The following PKDREJ variants were observed in gnomAD, a reference collection of about 807,000 sequenced individuals.
PKDREJ encodes polycystin family receptor for egg jelly.
For missense variants in PKDREJ, 2,507 were observed against 2,807.2 expected (o/e 0.89, Z 2.42); for synonymous variants, 1,031 against 1,095.5 (o/e 0.94, Z 1.16).
chr22:46,261,133 T>C lies in PKDREJ; in HGVS notation c.2190A>G (p.Arg730=), dbSNP rs781182765. 4 of 1,613,858 alleles carry C rather than the reference T, an allele frequency of 2.5e-6. No individual in the cohort carries two copies. Among genetic ancestry groups the C allele is most frequent in the Non-Finnish European group, 3.4e-6 (4 of 1,179,698 alleles). ...CGATGAGGTGTTTTCGGAGATTGAC[T>C]CTGTCATCTCGGAGAGGTAATTCAG... ...MKTELPLRDD[R]VNLRKHLIDQ... The change falls in exon 1 of 1, where the codon AGA becomes AGG. Residue 730 remains arginine, a synonymous_variant. Transcript: ENST00000253255. The surrounding 1 kb of genome is among the most constrained non-coding windows in gnomAD (Gnocchi z 7.1).
chr22:46,263,185 C>T lies in PKDREJ; in HGVS notation c.138G>A (p.Pro46=). 7.7e-7 allele frequency: 1 copy of T among 1,303,194 alleles called. No homozygotes were observed. The highest frequency in any genetic ancestry group is 9.7e-7 in the Non-Finnish European group (1 of 1,030,710). The allele number at this position is 1,303,194 out of a possible 1,614,324, so 80.7% of individuals were successfully genotyped here. ...GAPGGLLRGA[P]GLGVRGGRAL... ...CGCGGCCGCCGCGCACCCCGAGGCC[C>T]GGGGCGCCCCTGAGGAGGCCACCGG... Residue 46 remains proline, a synonymous_variant, in exon 1 of 1, where the codon CCG becomes CCA. Transcript: ENST00000253255. The surrounding 1 kb of genome is among the most constrained non-coding windows in gnomAD (Gnocchi z 9.4).
rs1936709549 is a variant in PKDREJ at position 46,262,560 on chromosome 22, TG to T, written c.762del (p.Ile255SerfsTer67). The T allele has an allele frequency of 6.2e-7, 1 of 1,605,316 alleles. No homozygotes were observed. Among genetic ancestry groups the T allele is most frequent in the African/African-American group, 1.3e-5 (1 of 74,738 alleles). Reference sequence around the variant, plus strand: ...GAGAACACCTGCCAGTACTGGGCGATGGCGCGCGCGGCCGGGCAGTCCAGCT... The same window carrying T: ...GAGAACACCTGCCAGTACTGGGCGATGCGCGCGCGGCCGGGCAGTCCAGCT... The part of the protein sequence containing the change: ...SVQLDCPAAR[A>X]IAQYWQVFSV... On this transcript the variant is annotated frameshift_variant, in exon 1 of 1. Coordinates refer to ENST00000253255, the MANE Select transcript of PKDREJ (RefSeq NM_006071.2). LOFTEE classifies it low-confidence loss of function (END_TRUNC). This position sits in a 1 kb window ranked among gnomAD's most constrained non-coding sequence, Gnocchi z 8.1.
chr22:46,260,447 A>C lies in PKDREJ; in HGVS notation c.2876T>G (p.Leu959Trp). The C allele has an allele frequency of 6.2e-7, 1 of 1,614,208 alleles. No individual in the cohort carries two copies. Among genetic ancestry groups the C allele is most frequent in the Non-Finnish European group, 8.5e-7 (1 of 1,180,022 alleles). The stretch of plus-strand genomic sequence containing the variant: ...TGTGAGATTAAAAGCTGCAAAGGTC[A>C]AGTTTTTCCTGACAAGGTACACTTC... Reference protein sequence around the residue: ...VAEVYLVRKNLTFAAFNLTVG... With the variant: ...VAEVYLVRKNWTFAAFNLTVG... Residue 959 changes from leucine to tryptophan, a missense_variant, in exon 1 of 1, where the codon TTG (leucine) becomes TGG (tryptophan). Leu to Trp is a moderately conservative substitution (Grantham distance 61). Transcript: ENST00000253255. The surrounding 1 kb of genome is among the most constrained non-coding windows in gnomAD (Gnocchi z 4.5).
rs1387855377 is a variant in PKDREJ at position 46,263,122 on chromosome 22, G to A, written c.201C>T (p.Gly67=). ...TGCCGCGGCCGCTCAGGACAGCGCC[G>A]CCCGCCCGCACCGCGCTGGGCCGCA... ...LSLRPSAVRA[G]GAVLSGRGSL... Residue 67 remains glycine, a synonymous_variant, in exon 1 of 1, where the codon GGC becomes GGT. Coordinates refer to ENST00000253255, the MANE Select transcript of PKDREJ (RefSeq NM_006071.2). The surrounding 1 kb of genome is among the most constrained non-coding windows in gnomAD (Gnocchi z 9.4). The A allele has an allele frequency of 4.8e-6, 6 of 1,238,728 alleles. No individual in the cohort carries two copies. The East Asian group carries it at 1.9e-4, about 38-fold the overall frequency. The allele number at this position is 1,238,728 out of a possible 1,614,324, so 76.7% of individuals were successfully genotyped here.
chr22:46,261,872 T>G lies in PKDREJ; in HGVS notation c.1451A>C (p.Asn484Thr). Residue 484 changes from asparagine to threonine, a missense_variant, in exon 1 of 1, where the codon AAT becomes ACT. Asn to Thr is a moderately conservative substitution (Grantham distance 65). Coordinates refer to ENST00000253255, the MANE Select transcript of PKDREJ (RefSeq NM_006071.2). This position sits in a 1 kb window ranked among gnomAD's most constrained non-coding sequence, Gnocchi z 7.1. ...DRFSLFLNCT[N>T]CASRDFYKWS... ...TTTATAGAAATCACGGCTTGCACAA[T>G]TTGTGCAATTTAGGAACAAAGAAAA... 1 of 1,613,672 alleles carries G rather than the reference T, an allele frequency of 6.2e-7. No individual in the cohort carries two copies. The highest frequency in any genetic ancestry group is 8.5e-7 in the Non-Finnish European group (1 of 1,179,802).
At position 46,258,217 on chromosome 22, in the gene PKDREJ, C is replaced by A. The variant is rs750685102; in HGVS notation, c.5106G>T (p.Arg1702Ser). ...DEIRIFKRKK[R>S]IKRRALLFLS... ...GAAACAGGAGTGCTCTTCTCTTGAT[C>A]CTCTTCTTTCTTTTGAATATTCTGA... The change falls in exon 1 of 1, where the codon AGG (arginine) becomes AGT (serine). Residue 1702 changes from arginine to serine, a missense_variant. Physicochemically the swap from Arg to Ser is moderately radical, Grantham distance 110 (BLOSUM62 -1). Transcript: ENST00000253255. This position sits in a 1 kb window ranked among gnomAD's most constrained non-coding sequence, Gnocchi z 6.1. 3.7e-6 allele frequency: 6 copies of A among 1,614,022 alleles called. No homozygotes were observed. Among genetic ancestry groups the A allele is most frequent in the Non-Finnish European group, 5.1e-6 (6 of 1,179,998 alleles).
chr22:46,260,019 C>T lies in PKDREJ; in HGVS notation c.3304G>A (p.Val1102Ile), dbSNP rs537416568. The T allele has an allele frequency of 6.9e-5, 112 of 1,614,004 alleles. 1 individual carries two copies. Among genetic ancestry groups the T allele is most frequent in the African/African-American group, 2.0e-4 (15 of 74,900 alleles). The part of the protein sequence containing the change: ...DKLVRISIFS[V>I]QCLDMYGIQS... ...ATCCCATACATGTCCAAGCACTGGA[C>T]GCTGAAAATAGAAATTCTCACTAGC... is the stretch of plus-strand genomic sequence containing the variant. Residue 1102 changes from valine to isoleucine, a missense_variant, in exon 1 of 1, where the codon GTC becomes ATC. Val to Ile is a conservative substitution (Grantham distance 29, BLOSUM62 3). Transcript: ENST00000253255. This position sits in a 1 kb window ranked among gnomAD's most constrained non-coding sequence, Gnocchi z 4.5.
rs1936648820 is a variant in PKDREJ at position 46,257,761 on chromosome 22, A to G, written c.5562T>C (p.Asn1854=). Residue 1854 remains asparagine, a synonymous_variant, in exon 1 of 1, where the codon AAT becomes AAC. Transcript: ENST00000253255. This position sits in a 1 kb window ranked among gnomAD's most constrained non-coding sequence, Gnocchi z 4.7. ...VDKQAIDEST[N]GFTYKPQGTQ... ...TTCCTTGAGGCTTATAAGTAAATCC[A>G]TTGGTACTCTCATCTATAGCCTGCT... is the stretch of plus-strand genomic sequence containing the variant. 1 of 1,614,032 alleles carries G rather than the reference A, an allele frequency of 6.2e-7. No homozygotes were observed. The highest frequency in any genetic ancestry group is 1.3e-5 in the African/African-American group (1 of 74,950).
rs756560172 is a variant in PKDREJ, at chr22:46,262,779, C to T, written c.544G>A (p.Glu182Lys). The T allele has an allele frequency of 2.6e-6, 4 of 1,519,990 alleles. No individual in the cohort carries two copies. The highest frequency in any genetic ancestry group is 2.5e-5 in the South Asian group (2 of 78,456). 94.2% of individuals were successfully genotyped at this position (1,519,990 alleles called of 1,614,324 possible). Residue 182 changes from glutamate (E) to lysine (K), a missense_variant, in exon 1 of 1, where the codon GAG (glutamate) becomes AAG (lysine). Coordinates refer to ENST00000253255, the MANE Select transcript of PKDREJ (RefSeq NM_006071.2). The surrounding 1 kb of genome is among the most constrained non-coding windows in gnomAD (Gnocchi z 8.1). ...CGCGCGGGGCCGTCTGTGGGGCACT[C>T]GGTGCGGGCCACGAAGCCCTGCTGG... ...RPQQGFVARTECPTDGPARVM... is the reference protein window; with the variant it reads ...RPQQGFVARTKCPTDGPARVM...
Position 46,259,291 on chromosome 22 carries a change from G to A in PKDREJ, c.4032C>T (p.His1344=), listed in dbSNP as rs140212938. 2.2e-5 allele frequency: 35 copies of A among 1,614,060 alleles called. No homozygotes were observed. The highest frequency in any genetic ancestry group is 2.8e-5 in the Non-Finnish European group (33 of 1,180,032). Residue 1344 remains histidine (H), a synonymous_variant, in exon 1 of 1, where the codon CAC becomes CAT. Coordinates refer to ENST00000253255, the MANE Select transcript of PKDREJ (RefSeq NM_006071.2). This position sits in a 1 kb window ranked among gnomAD's most constrained non-coding sequence, Gnocchi z 6.8. ...TCAGACGCTCATCTGGATGGGTAAC[G>A]TGAAATGTTCTGTCCAAAGTGGTAT... ...SVDTTLDRTF[H]VTHPDERLTR...
Position 46,262,503 on chromosome 22 carries a change from T to C in PKDREJ, c.820A>G (p.Thr274Ala). The C allele has an allele frequency of 6.3e-7, 1 of 1,588,798 alleles. No homozygotes were observed. Among genetic ancestry groups the C allele is most frequent in the Non-Finnish European group, 8.6e-7 (1 of 1,166,822 alleles). ...AGCTGGGGCAGATCCAAGGGCTGCG[T>C]CCAGTCGGGCGCCTGACCCACGGCG... ...VPAVGQAPDW[T>A]QPLDLPQLEI... The change falls in exon 1 of 1, where the codon ACG becomes GCG. Residue 274 changes from threonine (T) to alanine (A), a missense_variant. Coordinates refer to ENST00000253255, the MANE Select transcript of PKDREJ (RefSeq NM_006071.2). This position sits in a 1 kb window ranked among gnomAD's most constrained non-coding sequence, Gnocchi z 8.1.
At position 46,263,098 on chromosome 22, in the gene PKDREJ, GC is replaced by G; in HGVS notation, c.224del (p.Gly75AlafsTer52). ...TCCCGCCATGGGGGAAGCAGAGGCT[GC>G]CGCGGCCGCTCAGGACAGCGCCGCC... The part of the protein sequence containing the change: ...RAGGAVLSGR[G>X]SLCFPHGGTG... On this transcript the variant is annotated frameshift_variant, in exon 1 of 1. Coordinates refer to ENST00000253255, the MANE Select transcript of PKDREJ (RefSeq NM_006071.2). LOFTEE classifies it low-confidence loss of function (END_TRUNC). This position sits in a 1 kb window ranked among gnomAD's most constrained non-coding sequence, Gnocchi z 9.4. 7.6e-7 allele frequency: 1 copy of G among 1,311,280 alleles called. No individual in the cohort carries two copies. Among genetic ancestry groups the G allele is most frequent in the Non-Finnish European group, 9.8e-7 (1 of 1,020,820 alleles). 81.2% of individuals were successfully genotyped at this position (1,311,280 alleles called of 1,614,324 possible). A position where few individuals can be genotyped will look rare whatever the true frequency, so the allele number is the denominator to read the frequency against.
In PKDREJ at chr22:46,261,555, T is replaced by G. The variant is rs766536222; in HGVS notation, c.1768A>C (p.Lys590Gln). 1.2e-5 allele frequency: 19 copies of G among 1,614,088 alleles called. No individual in the cohort carries two copies. The East Asian group carries it at 4.0e-4, about 34-fold the overall frequency. Residue 590 changes from lysine (K) to glutamine (Q), a missense_variant, in exon 1 of 1, where the codon AAG (lysine) becomes CAG (glutamine). Coordinates refer to ENST00000253255, the MANE Select transcript of PKDREJ (RefSeq NM_006071.2). The surrounding 1 kb of genome is among the most constrained non-coding windows in gnomAD (Gnocchi z 7.1). ...ATTTTATATGTAAGAGGGACGTGCT[T>G]ATCCCTAAAATTACTACACTGGACA... ...FVVQCSNFRD[K>Q]HVPLTYKIIV...
In PKDREJ at chr22:46,262,822, G is replaced by C; in HGVS notation, c.501C>G (p.Ala167=). 1 of 1,251,418 alleles carries C rather than the reference G, an allele frequency of 8.0e-7. No homozygotes were observed. The highest frequency in any genetic ancestry group is 1.0e-6 in the Non-Finnish European group (1 of 991,898). The allele number at this position is 1,251,418 out of a possible 1,614,324, so 77.5% of individuals were successfully genotyped here. The change falls in exon 1 of 1, where the codon GCC becomes GCG. Residue 167 remains alanine, a synonymous_variant. Coordinates refer to ENST00000253255, the MANE Select transcript of PKDREJ (RefSeq NM_006071.2). This position sits in a 1 kb window ranked among gnomAD's most constrained non-coding sequence, Gnocchi z 8.1. ...CCTGCTGGGGCCGCGGGCCTGGCGC[G>C]GCGGAGCGCGGGGAGACGCGGGCCG... ...SPAARVSPRS[A]APGPRPQQGF... is the part of the protein sequence containing the mutation.
chr22:46,256,286 A>C lies in PKDREJ; in HGVS notation c.*275T>G. The C allele has an allele frequency of 2.3e-6, 1 of 441,110 alleles. No homozygotes were observed. The allele number at this position is 441,110 out of a possible 1,614,324, so 27.3% of individuals were successfully genotyped here. A position where few individuals can be genotyped will look rare whatever the true frequency, so the allele number is the denominator to read the frequency against. ...ACCAAAGAAACAGGGTTGCCCTTGT[A>C]CGGGGAGTCACATAACTCCCCTCTA... On this transcript the variant is annotated 3_prime_UTR_variant, in exon 1 of 1. Coordinates refer to ENST00000253255, the MANE Select transcript of PKDREJ (RefSeq NM_006071.2). This position sits in a 1 kb window ranked among gnomAD's most constrained non-coding sequence, Gnocchi z 5.3.
At position 46,257,258 on chromosome 22, in the gene PKDREJ, A is replaced by G. The variant is rs762577562; in HGVS notation, c.6065T>C (p.Leu2022Pro). The change falls in exon 1 of 1, where the codon CTG (leucine) becomes CCG (proline). Residue 2022 changes from leucine (L) to proline (P), a missense_variant. By Grantham distance (98) the Leu-to-Pro change is moderately conservative. Coordinates refer to ENST00000253255, the MANE Select transcript of PKDREJ (RefSeq NM_006071.2). The surrounding 1 kb of genome is among the most constrained non-coding windows in gnomAD (Gnocchi z 4.7). ...GTAAAACCGAATTATGCCAGTGGCC[A>G]GGAAATGTTTCCTGAGAAAGAGCAC... The part of the protein sequence containing the change: ...LIVLFLRKHF[L>P]ATGIIRFYLS... 13 of 1,614,148 alleles carry G rather than the reference A, an allele frequency of 8.1e-6. No individual in the cohort carries two copies. The highest frequency in any genetic ancestry group is 1.1e-5 in the Non-Finnish European group (13 of 1,180,036).
Position 46,262,252 on chromosome 22 carries a change from G to A in PKDREJ, c.1071C>T (p.Asp357=), listed in dbSNP as rs769651990. 5.0e-6 allele frequency: 8 copies of A among 1,614,196 alleles called. No homozygotes were observed. The highest frequency in any genetic ancestry group is 2.2e-5 in the East Asian group (1 of 44,886). Residue 357 remains aspartate (D), a synonymous_variant, in exon 1 of 1, where the codon GAC becomes GAT. Coordinates refer to ENST00000253255, the MANE Select transcript of PKDREJ (RefSeq NM_006071.2). This position sits in a 1 kb window ranked among gnomAD's most constrained non-coding sequence, Gnocchi z 8.1. ...CATCTGGGTCCGAGGACGTGGACCCGTCCAGAATCAGCTGCTCTGTGAAAT... is the reference window on the plus strand; with the variant it reads ...CATCTGGGTCCGAGGACGTGGACCCATCCAGAATCAGCTGCTCTGTGAAAT... ...TANFTEQLIL[D]GSTSSDPDAD... is the part of the protein sequence containing the mutation.
In PKDREJ at chr22:46,262,675, G is replaced by T. The variant is rs764610981; in HGVS notation, c.648C>A (p.Val216=). 1.6e-5 allele frequency: 26 copies of T among 1,613,184 alleles called. No individual in the cohort carries two copies. Among genetic ancestry groups the T allele is most frequent in the Non-Finnish European group, 2.1e-5 (25 of 1,179,798 alleles). The stretch of plus-strand genomic sequence containing the variant: ...CCGTGTTGATCCTCACGCGCTGGAT[G>T]ACGCAGGCGTTTATCTGACAGGACA... ...SSVSCQINAC[V]IQRVRINTDQ... The change falls in exon 1 of 1, where the codon GTC becomes GTA. Residue 216 remains valine, a synonymous_variant. Transcript: ENST00000253255. This position sits in a 1 kb window ranked among gnomAD's most constrained non-coding sequence, Gnocchi z 8.1.
In PKDREJ at chr22:46,257,835, C is replaced by T; in HGVS notation, c.5488G>A (p.Asp1830Asn). Residue 1830 changes from aspartate to asparagine, a missense_variant, in exon 1 of 1, where the codon GAC becomes AAC. Physicochemically the swap from Asp to Asn is conservative, Grantham distance 23. Transcript: ENST00000253255. This position sits in a 1 kb window ranked among gnomAD's most constrained non-coding sequence, Gnocchi z 4.7. ...GAATAGTTTTTTGTGTCTTCTGGGT[C>T]AATGCCATATTTGGGGTGACAATGA... ...EIHCHPKYGI[D>N]PEDTKNYSGF... The T allele has an allele frequency of 1.9e-6, 3 of 1,614,152 alleles. No individual in the cohort carries two copies. Among genetic ancestry groups the T allele is most frequent in the Non-Finnish European group, 2.5e-6 (3 of 1,180,034 alleles).
Sources: gnomAD v4.1 joint callset for allele counts on GRCh38, gnomAD v4.1.1 for gene constraint, Gnocchi (gnomAD v3.1) non-coding constraint, MANE v1.5 for transcripts, NCBI Gene and HGNC (gene_info 2026-07-23, HGNC 2026-07-21) for gene names.